The following ITGBL1 variants were observed in gnomAD, a reference collection of about 807,000 sequenced individuals.
ITGBL1 encodes the protein integrin beta-like protein 1.
In ITGBL1, 51 loss-of-function variants were observed where a neutral mutation model predicts 68.5. That is an observed-to-expected ratio of 0.74 (90% CI 0.59 to 0.94). The LOEUF is 0.94. Ranked by LOEUF, ITGBL1 falls within the 40% of genes least tolerant of loss-of-function variation. The pLI is 0.00. For synonymous variants in ITGBL1, 209 were observed against 227.3 expected (o/e 0.92, Z 0.72); for missense variants, 649 against 647.4 (o/e 1.00, Z -0.03).
In ITGBL1 at chr13:101,505,724, G is replaced by A. The variant is rs541412884; in HGVS notation, c.316+51624G>A. On this transcript the variant is annotated intron_variant, in intron 2 of 10. Transcript: ENST00000376180. ...CCAATGAGCTTAAGGCTTTCTCTCCGTCTGAGAAACCATCAATAGTCGATG... is the reference window on the plus strand; with the variant it reads ...CCAATGAGCTTAAGGCTTTCTCTCCATCTGAGAAACCATCAATAGTCGATG... 5.3e-5 allele frequency among the ~76,000 whole-genome samples: 8 copies of A among 152,036 alleles called. No individual in the cohort carries two copies. The East Asian group carries it at 5.8e-4, about 11-fold the overall frequency.
chr13:101,720,078 AAT>A (rs1397359077), downstream of ITGBL1: 1 of 152,126 alleles, frequency 6.6e-6, no homozygotes, highest in East Asian at 1.9e-4. Context: ...TATTTTATTC[AAT>A]ATGTTGTATT....
intron 6 of ITGBL1, among the ~76,000 whole-genome samples, chr13:101,585,314 T>C (rs1340598917): frequency 6.6e-6 from 1 of 152,156 alleles, no homozygotes; most frequent in African/African-American, 2.4e-5. Flanking sequence ...AGTTTATATT[T>C]TTTCCCAGCC....
intron 7 of ITGBL1, among the ~76,000 whole-genome samples, chr13:101,604,887 T>TATACACATACATACACACAC: frequency 1.8e-4 from 4 of 22,166 alleles, no homozygotes; most frequent in South Asian, 5.1e-3. Flanking sequence ...TATATATATA[T>TATACACATACATACACACAC]ACACACACAC....
intron 2 of ITGBL1, among the ~76,000 whole-genome samples, chr13:101,489,191 TAAAAG>T (rs993065516): frequency 5.9e-5 from 9 of 152,298 alleles, no homozygotes; most frequent in African/African-American, 9.6e-5. Flanking sequence ...ATCCAACAAT[TAAAAG>T]AAAGGTTACC....
At chr13:101,681,484 A>T (rs1350260661) in intron 7 of ITGBL1, among the ~76,000 whole-genome samples, 9 of 152,120 alleles carry the variant, frequency 5.9e-5, no homozygotes. Flanking sequence ...ATAAATAATG[A>T]CTTTCCTGAA....
chr13:101,662,422 A>G (rs911471561), intron 7 of ITGBL1, among the ~76,000 whole-genome samples: 4 of 152,190 alleles, frequency 2.6e-5, no homozygotes, highest in African/African-American at 9.6e-5. Context: ...AATTTCAAGC[A>G]AATACTATTT....
At chr13:101,601,169 G>T (rs2030352212) in intron 7 of ITGBL1, among the ~76,000 whole-genome samples, 1 of 152,180 alleles carries the variant, frequency 6.6e-6, no homozygotes, top group South Asian at 2.1e-4. Flanking sequence ...TTGGGAGAGT[G>T]TATGTGTTGA....
At chr13:101,535,929 A>C (rs1566720473) in intron 2 of ITGBL1, among the ~76,000 whole-genome samples, 1 of 152,096 alleles carries the variant, frequency 6.6e-6, no homozygotes, top group African/African-American at 2.4e-5. Context: ...TAGAGTTTTT[A>C]AAGTATATTT....
intron 2 of ITGBL1, among the ~76,000 whole-genome samples, chr13:101,563,496 A>G (rs1261931504): frequency 6.6e-6 from 1 of 151,994 alleles, no homozygotes; most frequent in African/African-American, 2.4e-5. Context: ...TGTTAAAAAG[A>G]TAGTAAGCTT....
At chr13:101,609,783 A>G (rs1456965203) in intron 7 of ITGBL1, among the ~76,000 whole-genome samples, 1 of 152,168 alleles carries the variant, frequency 6.6e-6, no homozygotes, top group Non-Finnish European at 1.5e-5. Context: ...AGGTTTTTCT[A>G]ACTAATAGTC....
intron 7 of ITGBL1, among the ~76,000 whole-genome samples, chr13:101,625,597 G>C (rs2031742414): frequency 6.6e-6 from 1 of 151,434 alleles, no homozygotes; most frequent in South Asian, 2.1e-4. Flanking sequence ...TTGTTGCCCA[G>C]GCTGGAGTAC....
chr13:101,465,264 G>A (rs1403281480), intron 2 of ITGBL1, among the ~76,000 whole-genome samples: 2 of 152,134 alleles, frequency 1.3e-5, no homozygotes, highest in East Asian at 1.9e-4. Flanking sequence ...TTTTTGTGGA[G>A]TATTTGGAAA....
chr13:101,515,958 T>A lies in ITGBL1; in HGVS notation c.317-51741T>A, dbSNP rs188404795. Among the ~76,000 whole-genome samples the A allele has an allele frequency of 2.0e-3, 307 of 152,268 alleles. 1 individual carries two copies. Among genetic ancestry groups the A allele is most frequent in the African/African-American group, 7.1e-3 (295 of 41,570 alleles). On this transcript the variant is annotated intron_variant, in intron 2 of 10. Coordinates refer to ENST00000376180, the MANE Select transcript of ITGBL1 (RefSeq NM_004791.3). ...GAGGATAGCAACATGGAAGGCCTGA[T>A]TAACTAACTCAATTATACACCCACA...
At chr13:101,579,479 A>G in intron 5 of ITGBL1, 52 bp downstream of exon 5, 1 of 1,565,206 alleles carries the variant, frequency 6.4e-7, no homozygotes, top group Non-Finnish European at 8.7e-7. Flanking sequence ...CAAAGCTTTT[A>G]ATTGTTAACA....
intron 2 of ITGBL1, among the ~76,000 whole-genome samples, chr13:101,528,126 T>C (rs1168989776): frequency 2.0e-5 from 3 of 151,674 alleles, no homozygotes; most frequent in East Asian, 1.9e-4. Context: ...TACAAAGTTA[T>C]TGTTTTTATA....
intron 2 of ITGBL1, among the ~76,000 whole-genome samples, chr13:101,544,219 A>C (rs925507101): frequency 3.3e-5 from 5 of 152,172 alleles, no homozygotes; most frequent in Non-Finnish European, 7.3e-5. Context: ...GGTGACGTAC[A>C]GATGGGGTTT....
At chr13:101,625,727 T>G (rs183393694) in intron 7 of ITGBL1, among the ~76,000 whole-genome samples, 4 of 152,104 alleles carry the variant, frequency 2.6e-5, no homozygotes, top group African/African-American at 2.4e-5. Flanking sequence ...TAATTTTTTG[T>G]ATTTTTAGTA....
chr13:101,519,725 T>C (rs1040574265), intron 2 of ITGBL1, among the ~76,000 whole-genome samples: 1 of 152,168 alleles, frequency 6.6e-6, no homozygotes, highest in Non-Finnish European at 1.5e-5. Flanking sequence ...CTGATTATGG[T>C]AATTTTTTTG....
At chr13:101,673,393 CAACCCAGCTATAAGATACG>C (rs886776369) in intron 7 of ITGBL1, among the ~76,000 whole-genome samples, 1 of 152,188 alleles carries the variant, frequency 6.6e-6, no homozygotes, top group Non-Finnish European at 1.5e-5. Flanking sequence ...TGTTTTAATT[CAACCCAGCTATAAGATACG>C]AAATGATAGA....
Sources: allele counts gnomAD v4.1 joint callset (sites outside exome capture counted in the v4.1 genomes callset), GRCh38; gene constraint gnomAD v4.1.1; transcripts MANE v1.5; gene names NCBI Gene and HGNC (gene_info 2026-07-23, HGNC 2026-07-21).